Variants in DARS1 observed in about 807,000 individuals in gnomAD.
DARS1 encodes the protein aspartyl-tRNA synthetase 1, also known as aspartate--tRNA ligase, cytoplasmic.
In DARS1, 51 loss-of-function variants were observed where a neutral mutation model predicts 68.8. That is an observed-to-expected ratio of 0.74 (90% CI 0.59 to 0.94). DARS1 has a LOEUF of 0.94. DARS1 is among the 40% of genes least tolerant of loss of function. DARS1 has a pLI of 0.00. For missense variants in DARS1, 607 were observed against 597.3 expected, an observed-to-expected ratio of 1.02 and a Z score of -0.17; for synonymous variants, 203 against 190.4, an observed-to-expected ratio of 1.07 and a Z score of -0.55.
chr2:135,914,218 T>C (rs1177358935), intron 12 of DARS1, among the ~76,000 whole-genome samples: 1 of 152,198 alleles, frequency 6.6e-6, no homozygotes, highest in African/African-American at 2.4e-5. Context: ...GTATCACTTT[T>C]AGAGACACCT....
At chr2:135,979,684 C>T (rs1682579234) in intron 2 of DARS1, among the ~76,000 whole-genome samples, 1 of 152,214 alleles carries the variant, frequency 6.6e-6, no homozygotes, top group Admixed American at 6.5e-5. Flanking sequence ...GTGTCCCCTT[C>T]TAATTCAGTC....
chr2:135,941,288 G>C lies in DARS1; in HGVS notation c.423+2090C>G, dbSNP rs571187773. On this transcript the variant is annotated intron_variant, in intron 5 of 15. Transcript: ENST00000264161. ...CTACAAGGCTACAGTAACCAAAACAGCATGGTACTGGTACCAAAACAGATA... is the reference window on the plus strand; with the variant it reads ...CTACAAGGCTACAGTAACCAAAACACCATGGTACTGGTACCAAAACAGATA... Among the ~76,000 whole-genome samples the C allele has an allele frequency of 1.7e-3, 265 of 152,286 alleles. 2 individuals carry two copies. Among genetic ancestry groups the C allele is most frequent in the African/African-American group, 6.2e-3 (259 of 41,558 alleles).
At chr2:135,940,105 C>T (rs1365648317) in intron 5 of DARS1, among the ~76,000 whole-genome samples, 1 of 152,192 alleles carries the variant, frequency 6.6e-6, no homozygotes, top group Non-Finnish European at 1.5e-5. Context: ...ACCATTCCTT[C>T]TGAAACTATT....
At chr2:135,985,202 T>A in intron 1 of DARS1, 1 of 808,796 alleles carries the variant, frequency 1.2e-6, no homozygotes, top group South Asian at 2.4e-5. Context: ...AACTCCCAGG[T>A]GACCCCCGCA....
chr2:135,923,056 G>T, intron 8 of DARS1, 138 bp from the exon 9 acceptor site: 4 of 997,200 alleles, frequency 4.0e-6, no homozygotes, highest in Non-Finnish European at 5.3e-6. Context: ...CTAAATCACA[G>T]TCTATATACA....
At chr2:135,933,581 T>C (rs541192466) in intron 6 of DARS1, among the ~76,000 whole-genome samples, 3 of 152,296 alleles carry the variant, frequency 2.0e-5, no homozygotes, top group South Asian at 4.1e-4. Flanking sequence ...CTTCATTATT[T>C]ACATAATACT....
intron 11 of DARS1, among the ~76,000 whole-genome samples, chr2:135,915,149 T>C (rs184074165): frequency 2.0e-4 from 31 of 152,260 alleles, no homozygotes; most frequent in Middle Eastern, 3.4e-3. Flanking sequence ...GGGTGAATTG[T>C]TTTTTGAGAA....
rs1681093061 is a variant in DARS1, at chr2:135,920,582, G to C, written c.830C>G (p.Ser277Cys). ...SIGPVFRAED[S>C]NTHRHLTEFV... is the part of the protein sequence containing the mutation. ...CTCAGTTAGATGTCTATGGGTATTA[G>C]AGTCTTCCGCTCTGAATACTGTGAA... is the stretch of plus-strand genomic sequence containing the variant. Residue 277 changes from serine (S) to cysteine (C), a missense_variant, in exon 10 of 16, where the codon TCT (serine) becomes TGT (cysteine). Coordinates refer to ENST00000264161, the MANE Select transcript of DARS1 (RefSeq NM_001349.4). 3.7e-6 allele frequency: 6 copies of C among 1,610,542 alleles called. No individual in the cohort carries two copies. The highest frequency in any genetic ancestry group is 3.3e-4 in the Middle Eastern group (2 of 6,062).
chr2:135,985,147 T>C, intron 1 of DARS1: 1 of 540,310 alleles, frequency 1.9e-6, no homozygotes, highest in South Asian at 3.2e-5. Flanking sequence ...GGGCGGCTGG[T>C]TCTTCCCGTC....
At chr2:135,955,101 C>A (rs529683035) in intron 4 of DARS1, among the ~76,000 whole-genome samples, 3 of 149,088 alleles carry the variant, frequency 2.0e-5, no homozygotes, top group Non-Finnish European at 3.0e-5. Context: ...GGGTAGTCAT[C>A]GGCTCATATT....
chr2:135,957,546 G>C (rs1024154248), intron 4 of DARS1, among the ~76,000 whole-genome samples: 1 of 152,140 alleles, frequency 6.6e-6, no homozygotes, highest in Non-Finnish European at 1.5e-5. Flanking sequence ...TTTTTTGGTA[G>C]AGATGGGGTT....
intron 3 of DARS1, among the ~76,000 whole-genome samples, chr2:135,964,384 T>C (rs533398375): frequency 2.0e-5 from 3 of 152,208 alleles, no homozygotes; most frequent in Admixed American, 2.0e-4. Context: ...CACAGGTAGG[T>C]ACAGAAGAAA....
chr2:135,958,769 C>A (rs1391488998), intron 4 of DARS1, among the ~76,000 whole-genome samples: 1 of 152,096 alleles, frequency 6.6e-6, no homozygotes, highest in Non-Finnish European at 1.5e-5. Flanking sequence ...AGGCTCGATT[C>A]CTTAACATGC....
At chr2:135,969,548 T>G (rs1575405815) in intron 3 of DARS1, among the ~76,000 whole-genome samples, 2 of 151,900 alleles carry the variant, frequency 1.3e-5, no homozygotes, top group East Asian at 3.9e-4. Context: ...AATTTTCCAG[T>G]TAAAAATGAT....
chr2:135,985,650 G>T, upstream of DARS1: 2 of 1,416,092 alleles, frequency 1.4e-6, no homozygotes, highest in African/African-American at 1.4e-5. Flanking sequence ...GCTATCTCGA[G>T]ATCCCGGAGC....
intron 5 of DARS1, among the ~76,000 whole-genome samples, chr2:135,940,972 C>G (rs1681582528): frequency 6.6e-6 from 1 of 152,168 alleles, no homozygotes; most frequent in Non-Finnish European, 1.5e-5. Flanking sequence ...AGGACCTCTT[C>G]AAGGAGAACT....
intron 2 of DARS1, among the ~76,000 whole-genome samples, chr2:135,980,850 G>A (rs535711741): frequency 6.6e-6 from 1 of 152,300 alleles, no homozygotes; most frequent in East Asian, 1.9e-4. Context: ...GAAGAAAAAG[G>A]GTAATGGCTC....
At position 135,946,600 on chromosome 2, in the gene DARS1, A is replaced by C. The variant is rs140495796; in HGVS notation, c.321-3120T>G. ...TTGGAGAGCACTGGGGTAGAGAACA[A>C]GAATCATAAACCCTGAGAAATGGCT... On this transcript the variant is annotated intron_variant, in intron 4 of 15. Transcript: ENST00000264161. Among the ~76,000 whole-genome samples, 50 of 152,316 alleles carry C rather than the reference A, an allele frequency of 3.3e-4. No individual in the cohort carries two copies. The East Asian group carries it at 6.5e-3, about 20-fold the overall frequency.
At chr2:135,958,467 A>C (rs1280019332) in intron 4 of DARS1, among the ~76,000 whole-genome samples, 2 of 152,192 alleles carry the variant, frequency 1.3e-5, no homozygotes, top group Admixed American at 6.5e-5. Flanking sequence ...AAAACCCCAT[A>C]TATCTTTTCC....
Sources: allele counts gnomAD v4.1 joint callset (sites outside exome capture counted in the v4.1 genomes callset), GRCh38; gene constraint gnomAD v4.1.1; transcripts MANE v1.5; gene names NCBI Gene and HGNC (gene_info 2026-07-23, HGNC 2026-07-21).